Variants in MARCHF1 observed in about 807,000 individuals in gnomAD.
The protein encoded by MARCHF1 is membrane associated ring-CH-type finger 1, also known as E3 ubiquitin-protein ligase MARCHF1.
In MARCHF1, 40 loss-of-function variants were observed where a neutral mutation model predicts 54.2. That is an observed-to-expected ratio of 0.74 (90% CI 0.57 to 0.96). MARCHF1 has a LOEUF of 0.96. Among genes scored for constraint, MARCHF1 ranks in the 40% least tolerant of loss-of-function variants. The pLI is 0.00. For synonymous variants in MARCHF1, 236 were observed against 236.3 expected (o/e 1.00, Z 0.01); for missense variants, 586 against 656.5 (o/e 0.89, Z 1.17).
chr4:164,233,496 T>A (rs1192080687), intron 1 of MARCHF1, among the ~76,000 whole-genome samples: 1 of 152,116 alleles, frequency 6.6e-6, no homozygotes, highest in Non-Finnish European at 1.5e-5. Flanking sequence ...TCTCCCCTCT[T>A]ACACCCCTCA....
chr4:164,191,829 A>G (rs575977530), intron 1 of MARCHF1, among the ~76,000 whole-genome samples: 77 of 152,260 alleles, frequency 5.1e-4, no homozygotes, highest in African/African-American at 1.7e-3. Flanking sequence ...TTCACATCCT[A>G]TATTTTTACT....
At chr4:163,557,495 T>C (rs1380673441) in intron 8 of MARCHF1, among the ~76,000 whole-genome samples, 1 of 152,120 alleles carries the variant, frequency 6.6e-6, no homozygotes, top group African/African-American at 2.4e-5. Flanking sequence ...GTGTGTTTTT[T>C]TGTAATGATT....
chr4:163,984,323 GT>G (rs1752820229), intron 3 of MARCHF1, among the ~76,000 whole-genome samples: 1 of 152,202 alleles, frequency 6.6e-6, no homozygotes, highest in Admixed American at 6.5e-5. Context: ...AAGGGGTTTG[GT>G]TTTTGTTTTC....
At chr4:164,043,209 T>A (rs1334569867) in intron 2 of MARCHF1, among the ~76,000 whole-genome samples, 1 of 152,176 alleles carries the variant, frequency 6.6e-6, no homozygotes, top group African/African-American at 2.4e-5. Context: ...ATATTTCCCC[T>A]CCATCTGCCA....
intron 7 of MARCHF1, among the ~76,000 whole-genome samples, chr4:163,611,125 C>A (rs1741325705): frequency 6.6e-6 from 1 of 151,880 alleles, no homozygotes; most frequent in African/African-American, 2.4e-5. Flanking sequence ...GGTCTCTGTT[C>A]CATATTAAAT....
chr4:164,251,522 A>G (rs987860015), intron 1 of MARCHF1, among the ~76,000 whole-genome samples: 1 of 152,214 alleles, frequency 6.6e-6, no homozygotes, highest in Non-Finnish European at 1.5e-5. Context: ...ACATGGAAAC[A>G]ATGATCCCTT....
chr4:163,721,390 T>C (rs991665689), intron 4 of MARCHF1, among the ~76,000 whole-genome samples: 3 of 152,158 alleles, frequency 2.0e-5, no homozygotes, highest in Non-Finnish European at 4.4e-5. Context: ...CACTTGATCA[T>C]GGTGGATAAG....
chr4:164,075,542 C>G (rs1754958836), intron 2 of MARCHF1, among the ~76,000 whole-genome samples: 1 of 152,178 alleles, frequency 6.6e-6, no homozygotes, highest in African/African-American at 2.4e-5. Flanking sequence ...CACCTGACAT[C>G]AGACACATGT....
At chr4:164,346,620 A>G (rs1275302891) in intron 1 of MARCHF1, among the ~76,000 whole-genome samples, 61 of 3,586 alleles carry the variant, frequency 0.017, 2 homozygotes, top group East Asian at 0.053. Flanking sequence ...ATATATATAT[A>G]TATATATATA....
chr4:164,180,220 T>G (rs568019514), intron 1 of MARCHF1, among the ~76,000 whole-genome samples: 1 of 152,138 alleles, frequency 6.6e-6, no homozygotes, highest in Admixed American at 6.5e-5. Context: ...TTATATTGAA[T>G]TATGGCTTCT....
At chr4:163,739,660 C>A (rs1215519762) in intron 4 of MARCHF1, among the ~76,000 whole-genome samples, 1 of 152,116 alleles carries the variant, frequency 6.6e-6, no homozygotes, top group East Asian at 1.9e-4. Context: ...ACATGACATT[C>A]AGAATAAATT....
intron 1 of MARCHF1, among the ~76,000 whole-genome samples, chr4:164,179,882 T>C (rs1730787636): frequency 6.6e-6 from 1 of 150,988 alleles, no homozygotes; most frequent in Non-Finnish European, 1.5e-5. Flanking sequence ...AGTCTAAGAA[T>C]ATGTTAATAA....
At position 163,549,660 on chromosome 4, in the gene MARCHF1, T is replaced by C. The variant is rs374979579; in HGVS notation, c.1192-3917A>G. Among the ~76,000 whole-genome samples the C allele has an allele frequency of 3.3e-4, 48 of 147,204 alleles. No homozygotes were observed. The South Asian group carries it at 5.7e-3, about 17-fold the overall frequency. On this transcript the variant is annotated intron_variant, in intron 8 of 9. Transcript: ENST00000514618. ...ACAGTCCCTGGGCCTTTGGTGCCTG[T>C]TTTACTGTTCTTGCTTTTGATTTTT...
At chr4:163,694,175 A>G (rs1027259921) in intron 5 of MARCHF1, among the ~76,000 whole-genome samples, 3 of 152,202 alleles carry the variant, frequency 2.0e-5, no homozygotes, top group Non-Finnish European at 4.4e-5. Flanking sequence ...ACAGGATGAA[A>G]TGAGTTCATG....
At chr4:164,066,242 T>C (rs867200575) in intron 2 of MARCHF1, among the ~76,000 whole-genome samples, 4 of 152,090 alleles carry the variant, frequency 2.6e-5, no homozygotes, top group African/African-American at 7.2e-5. Flanking sequence ...AGAAGACATA[T>C]ATGCAGCCAA....
At position 164,216,954 on chromosome 4, in the gene MARCHF1, C is replaced by T. The variant is rs200752208; in HGVS notation, c.-322-105292G>A. Among the ~76,000 whole-genome samples the T allele has an allele frequency of 2.6e-4, 39 of 151,978 alleles. No individual in the cohort carries two copies. In the East Asian group the frequency reaches 5.6e-3, roughly 22 times the overall value. ...ACCAAATTTACTGATGTAAATAATC[C>T]GGGAAAGTAGGATATTTTTACCTTA... On this transcript the variant is annotated intron_variant, in intron 1 of 9. Transcript: ENST00000514618.
intron 4 of MARCHF1, among the ~76,000 whole-genome samples, chr4:163,815,397 G>T (rs1560768358): frequency 6.6e-6 from 1 of 152,228 alleles, no homozygotes; most frequent in African/African-American, 2.4e-5. Flanking sequence ...AATGTTGGCT[G>T]TGCATCTATT....
At chr4:164,226,103 GA>G (rs766553814) in intron 1 of MARCHF1, among the ~76,000 whole-genome samples, 13 of 151,680 alleles carry the variant, frequency 8.6e-5, no homozygotes, top group South Asian at 2.1e-4. Flanking sequence ...ATTCTCCTTG[GA>G]GAACATCTGA....
chr4:164,257,589 G>C (rs1733328519), intron 1 of MARCHF1, among the ~76,000 whole-genome samples: 1 of 151,336 alleles, frequency 6.6e-6, no homozygotes, highest in African/African-American at 2.4e-5. Context: ...ATATATATTT[G>C]AAAAATGTAA....
Sources: gnomAD v4.1 joint callset for allele counts (sites outside exome capture counted in the v4.1 genomes callset) on GRCh38, gnomAD v4.1.1 for gene constraint, MANE v1.5 for transcripts, NCBI Gene and HGNC (gene_info 2026-07-23, HGNC 2026-07-21) for gene names.